Variants in ESYT2 observed in about 807,000 individuals in gnomAD.
ESYT2 encodes the protein extended synaptotagmin 2, also known as extended synaptotagmin-2.
A neutral mutation model predicts 107.2 loss-of-function variants in ESYT2; 54 were observed. The observed-to-expected ratio is 0.50, with a 90% CI of 0.40 to 0.63. ESYT2 has a LOEUF of 0.63. Ranked by LOEUF, ESYT2 falls within the 30% of genes least tolerant of loss-of-function variation. The pLI is 0.00. For synonymous variants in ESYT2, 491 were observed against 434.1 expected (o/e 1.13, Z -1.63); for missense variants, 1,020 against 1,094.5 (o/e 0.93, Z 0.96).
chr7:158,770,221 C>T (rs1838308327), intron 7 of ESYT2, among the ~76,000 whole-genome samples: 2 of 151,946 alleles, frequency 1.3e-5, no homozygotes, highest in Non-Finnish European at 2.9e-5. Context: ...CTTTTATAAC[C>T]TAAGGGTTGC....
At chr7:158,738,338 C>A (rs1435458575) in intron 19 of ESYT2, among the ~76,000 whole-genome samples, 9,331 of 50,880 alleles carry the variant, frequency 0.18, 753 homozygotes, top group East Asian at 0.5. Flanking sequence ...TACACACACA[C>A]ACACAGACAC....
chr7:158,813,894 C>G (rs1254940041), intron 1 of ESYT2, among the ~76,000 whole-genome samples: 1 of 152,130 alleles, frequency 6.6e-6, no homozygotes, highest in Non-Finnish European at 1.5e-5. Flanking sequence ...CGTTCCTCGT[C>G]CCGATGACTC....
In ESYT2 at chr7:158,769,014, G is replaced by GA. The variant is rs1278850834; in HGVS notation, c.804-1241dup. Among the ~76,000 whole-genome samples, 5 of 152,110 alleles carry GA rather than the reference G, an allele frequency of 3.3e-5. 1 individual carries two copies. Among genetic ancestry groups the GA allele is most frequent in the African/African-American group, 1.2e-4 (5 of 41,410 alleles). On this transcript the variant is annotated intron_variant, in intron 7 of 22. Coordinates refer to ENST00000275418, the MANE Select transcript of ESYT2 (RefSeq NM_001367773.1). ...ACCTTTACCTGAATTGTGAAGTTGCGAAAGTACTTTGCTTCTCGCCCGTAA... is the reference window on the plus strand; with the variant it reads ...ACCTTTACCTGAATTGTGAAGTTGCGAAAAGTACTTTGCTTCTCGCCCGTAA...
Position 158,773,413 on chromosome 7 carries a change from G to A in ESYT2, c.748-17C>T, listed in dbSNP as rs564891169. ...TTCTAAAAGCTGTTTTAAAACAAGGGCAAAATATTAAGTTCCAAACAATTT... is the reference window on the plus strand; with the variant it reads ...TTCTAAAAGCTGTTTTAAAACAAGGACAAAATATTAAGTTCCAAACAATTT... On this transcript the variant is annotated splice_polypyrimidine_tract_variant and intron_variant, in intron 6 of 22. Coordinates refer to ENST00000275418, the MANE Select transcript of ESYT2 (RefSeq NM_001367773.1). The A allele has an allele frequency of 9.3e-6, 15 of 1,613,532 alleles. No homozygotes were observed. In the South Asian group the frequency reaches 1.1e-4, roughly 12 times the overall value.
rs1263380723 is a variant in ESYT2, at chr7:158,829,354, G to A, written c.65C>T (p.Pro22Leu). 1.4e-6 allele frequency: 2 copies of A among 1,393,850 alleles called. No homozygotes were observed. Among genetic ancestry groups the A allele is most frequent in the African/African-American group, 1.5e-5 (1 of 66,048 alleles). 86.3% of individuals were successfully genotyped at this position (1,393,850 alleles called of 1,614,324 possible). ...GAGGAGGRAAPENPGGVLSVE... is the reference protein window; with the variant it reads ...GAGGAGGRAALENPGGVLSVE... ...GCTCAGCACGCCCCCGGGGTTCTCAGGCGCCGCGCGGCCCCCAGCCCCGCC... is the reference window on the plus strand; with the variant it reads ...GCTCAGCACGCCCCCGGGGTTCTCAAGCGCCGCGCGGCCCCCAGCCCCGCC... Residue 22 changes from proline to leucine, a missense_variant, in exon 1 of 23, where the codon CCT (proline) becomes CTT (leucine). Pro to Leu is a moderately conservative substitution (Grantham distance 98). Transcript: ENST00000275418.
At chr7:158,804,493 T>C (rs1377137808) in intron 1 of ESYT2, among the ~76,000 whole-genome samples, 25 of 122,940 alleles carry the variant, frequency 2.0e-4, no homozygotes, top group East Asian at 5.2e-4. Flanking sequence ...GTGAGGCGCG[T>C]GACAAACCCA....
At chr7:158,799,122 AT>A in intron 1 of ESYT2, 50 bp from the exon 2 acceptor site, 1 of 1,524,994 alleles carries the variant, frequency 6.6e-7, no homozygotes, top group East Asian at 2.3e-5. Flanking sequence ...ACAACTGTAA[AT>A]AAAATGTCAA....
chr7:158,791,293 T>C (rs844522), intron 4 of ESYT2, among the ~76,000 whole-genome samples: 141,334 of 152,274 alleles, frequency 0.93, 65,689 homozygotes, highest in East Asian at 0.95. Context: ...GTTTCTAAGG[T>C]GTACAGGCCA....
intron 1 of ESYT2, among the ~76,000 whole-genome samples, chr7:158,807,242 C>T (rs922500538): frequency 8.6e-5 from 11 of 128,414 alleles, no homozygotes; most frequent in African/African-American, 2.8e-4. Flanking sequence ...CAGAGCAAGA[C>T]TCCGTCTGAA....
At chr7:158,822,070 G>C (rs1840300421) in intron 1 of ESYT2, among the ~76,000 whole-genome samples, 1 of 151,992 alleles carries the variant, frequency 6.6e-6, no homozygotes, top group Non-Finnish European at 1.5e-5. Context: ...TTACACTTGT[G>C]TTGGCACAAT....
At chr7:158,784,415 G>A (rs1839037760) in intron 6 of ESYT2, among the ~76,000 whole-genome samples, 1 of 152,196 alleles carries the variant, frequency 6.6e-6, no homozygotes, top group Non-Finnish European at 1.5e-5. Context: ...CAGCTGGAAT[G>A]GCTCACAAGC....
intron 1 of ESYT2, among the ~76,000 whole-genome samples, chr7:158,802,141 TAAAAA>T (rs1222819412): frequency 2.6e-5 from 4 of 152,138 alleles, no homozygotes; most frequent in Non-Finnish European, 4.4e-5. Context: ...TATCCAAACA[TAAAAA>T]AATTGACAGC....
chr7:158,750,042 G>A (rs543841304), intron 14 of ESYT2, among the ~76,000 whole-genome samples: 141 of 152,166 alleles, frequency 9.3e-4, no homozygotes, highest in African/African-American at 3.3e-3. Flanking sequence ...CAAGGATAAC[G>A]AAAATGAATA....
At chr7:158,817,045 T>G (rs760310723) in intron 1 of ESYT2, among the ~76,000 whole-genome samples, 1 of 152,232 alleles carries the variant, frequency 6.6e-6, no homozygotes. Context: ...ACCAGCTTTA[T>G]ATAACATTTT....
intron 16 of ESYT2, among the ~76,000 whole-genome samples, chr7:158,747,183 C>G (rs927107267): frequency 1.3e-5 from 2 of 151,854 alleles, no homozygotes; most frequent in African/African-American, 4.8e-5. Flanking sequence ...CCCGTCTCCA[C>G]TAAAAATACA....
chr7:158,759,381 C>G (rs1262981206), intron 13 of ESYT2, 105 bp downstream of exon 13: 2 of 872,108 alleles, frequency 2.3e-6, no homozygotes, highest in East Asian at 2.5e-5. Context: ...GAAAACACAA[C>G]AAGAAGAGAA....
At chr7:158,825,002 A>T (rs1840397879) in intron 1 of ESYT2, among the ~76,000 whole-genome samples, 1 of 152,160 alleles carries the variant, frequency 6.6e-6, no homozygotes, top group Admixed American at 6.5e-5. Flanking sequence ...CTCTTTAAAA[A>T]ACAAAAAAGG....
chr7:158,782,541 G>GAGAATA (rs1838938019), intron 6 of ESYT2, among the ~76,000 whole-genome samples: 1 of 148,186 alleles, frequency 6.7e-6, no homozygotes. Flanking sequence ...GTAAGAAAAT[G>GAGAATA]AGTGTGAGAA....
At chr7:158,747,307 C>T (rs1442984421) in intron 16 of ESYT2, among the ~76,000 whole-genome samples, 1 of 152,034 alleles carries the variant, frequency 6.6e-6, no homozygotes, top group Non-Finnish European at 1.5e-5. Context: ...GATCGCACCA[C>T]TGCACTCCAG....
Sources: gnomAD v4.1 joint callset for allele counts (sites outside exome capture counted in the v4.1 genomes callset) on GRCh38, gnomAD v4.1.1 for gene constraint, MANE v1.5 for transcripts, NCBI Gene and HGNC (gene_info 2026-07-23, HGNC 2026-07-21) for gene names.